GRK3: variants seen among roughly 807,000 people sequenced by gnomAD.
The protein encoded by GRK3 is adrenergic, beta, receptor kinase 2.
GRK3 carries 54 observed loss-of-function variants against 95.7 expected under a neutral mutation model. That is an observed-to-expected ratio of 0.56 (90% CI 0.45 to 0.71). GRK3 has a LOEUF of 0.71. GRK3 is among the 30% of genes least tolerant of loss of function. The pLI, the probability that GRK3 is intolerant of heterozygous loss-of-function variation, is 0.00. For missense variants in GRK3, 649 were observed against 851.2 expected (o/e 0.76, Z 2.96); for synonymous variants, 281 against 290.8 (o/e 0.97, Z 0.34).
intron 3 of GRK3, among the ~76,000 whole-genome samples, chr22:25,646,503 A>T (rs2084783276): frequency 1.3e-5 from 2 of 152,222 alleles, no homozygotes; most frequent in African/African-American, 2.4e-5. Context: ...TTACAAAATG[A>T]TGAAAGACAG....
intron 2 of GRK3, among the ~76,000 whole-genome samples, chr22:25,631,664 A>T (rs1019971624): frequency 7.2e-5 from 11 of 152,222 alleles, no homozygotes; most frequent in African/African-American, 2.4e-4. Context: ...CAACGCATAA[A>T]GTGTGCAGCT....
At chr22:25,623,553 T>C (rs1226973393) in intron 2 of GRK3, among the ~76,000 whole-genome samples, 1 of 152,216 alleles carries the variant, frequency 6.6e-6, no homozygotes, top group East Asian at 1.9e-4. Context: ...GTGTTGCCCT[T>C]GCCTCTACCA....
At chr22:25,598,318 A>G (rs2084386156) in intron 1 of GRK3, among the ~76,000 whole-genome samples, 1 of 152,134 alleles carries the variant, frequency 6.6e-6, no homozygotes, top group South Asian at 2.1e-4. Context: ...CATAAGAAGA[A>G]GGCAAGAAAA....
chr22:25,587,137 T>A (rs1453942087), intron 1 of GRK3, among the ~76,000 whole-genome samples: 1 of 152,138 alleles, frequency 6.6e-6, no homozygotes, highest in Non-Finnish European at 1.5e-5. Context: ...GTGATCCCCC[T>A]GCCTCAGCCT....
At chr22:25,708,025 C>T (rs999450471) in intron 15 of GRK3, among the ~76,000 whole-genome samples, 4 of 152,060 alleles carry the variant, frequency 2.6e-5, no homozygotes, top group Non-Finnish European at 4.4e-5. Flanking sequence ...ATCACAAGGT[C>T]AGGAGTTTGC....
chr22:25,675,148 C>A (rs1269885130), intron 8 of GRK3, among the ~76,000 whole-genome samples: 1 of 152,074 alleles, frequency 6.6e-6, no homozygotes. Flanking sequence ...CGTTCAGCCT[C>A]CCCATCAGAT....
intron 2 of GRK3, among the ~76,000 whole-genome samples, chr22:25,624,919 C>CT (rs552338056): frequency 0.049 from 7,024 of 142,164 alleles, 165 homozygotes; most frequent in East Asian, 0.055. Flanking sequence ...TGATGAATCT[C>CT]TTTTTTTTTT....
chr22:25,670,606 ACTCCCTTCCTCCCTTC>A (rs775598812), intron 6 of GRK3, among the ~76,000 whole-genome samples: 1 of 151,482 alleles, frequency 6.6e-6, no homozygotes, highest in African/African-American at 2.4e-5. Context: ...ATTACCTATA[ACTCCCTTCCTCCCTTC>A]CTCCCTTCCT....
intron 13 of GRK3, among the ~76,000 whole-genome samples, chr22:25,699,393 T>C (rs2085238155): frequency 2.0e-5 from 3 of 152,130 alleles, no homozygotes. Context: ...GGGGCGCCTG[T>C]CCTCAACCCT....
chr22:25,593,962 G>C (rs755092875), intron 1 of GRK3, among the ~76,000 whole-genome samples: 1 of 152,180 alleles, frequency 6.6e-6, no homozygotes, highest in Non-Finnish European at 1.5e-5. Context: ...ACTGGTCTGT[G>C]TGTCTGTTTC....
chr22:25,591,779 A>C (rs1932501224), intron 1 of GRK3, among the ~76,000 whole-genome samples: 1 of 151,326 alleles, frequency 6.6e-6, no homozygotes, highest in South Asian at 2.1e-4. Context: ...TCTTTAAATC[A>C]GCAGTTATTC....
chr22:25,572,773 C>T (rs375896188), intron 1 of GRK3, among the ~76,000 whole-genome samples: 13 of 152,080 alleles, frequency 8.5e-5, no homozygotes, highest in African/African-American at 2.7e-4. Context: ...AAAAATGAAC[C>T]AAAAATCATG....
intron 8 of GRK3, among the ~76,000 whole-genome samples, chr22:25,677,255 T>A (rs968716061): frequency 6.6e-6 from 1 of 151,308 alleles, no homozygotes; most frequent in African/African-American, 2.4e-5. Context: ...GTCCCAGCTA[T>A]GCTCCAGCTA....
intron 3 of GRK3, among the ~76,000 whole-genome samples, chr22:25,656,108 C>G (rs1472792298): frequency 2.6e-5 from 4 of 152,112 alleles, no homozygotes; most frequent in Non-Finnish European, 5.9e-5. Flanking sequence ...TGTGTGTATA[C>G]ACAACACACA....
At chr22:25,632,053 A>G (rs1569171677) in intron 2 of GRK3, among the ~76,000 whole-genome samples, 1 of 152,178 alleles carries the variant, frequency 6.6e-6, no homozygotes, top group Non-Finnish European at 1.5e-5. Flanking sequence ...AAGAGCATAC[A>G]TTTTTATTTC....
intron 13 of GRK3, among the ~76,000 whole-genome samples, chr22:25,696,190 G>T (rs1038077950): frequency 1.3e-5 from 2 of 151,844 alleles, no homozygotes; most frequent in African/African-American, 4.8e-5. Context: ...ATGTTGCCCA[G>T]GCTGGTCTCG....
At chr22:25,641,813 G>A (rs1443309456) in intron 2 of GRK3, among the ~76,000 whole-genome samples, 1 of 152,288 alleles carries the variant, frequency 6.6e-6, no homozygotes, top group Admixed American at 6.5e-5. Flanking sequence ...AAGTGAGCTT[G>A]GGGGGAGCAC....
At chr22:25,669,645 T>C (rs963259322) in intron 6 of GRK3, among the ~76,000 whole-genome samples, 2 of 152,210 alleles carry the variant, frequency 1.3e-5, no homozygotes, top group African/African-American at 4.8e-5. Context: ...TAACCAGGCA[T>C]TGATTGGGAA....
rs1371706054 is a variant in GRK3 at position 25,728,792 on chromosome 22, A to G, written c.*6342A>G. 6.6e-6 allele frequency: 1 copy of G among 152,190 alleles called. No homozygotes were observed. The highest frequency in any genetic ancestry group is 1.9e-4 in the East Asian group (1 of 5,204). 9.4% of individuals were successfully genotyped at this position (152,190 alleles called of 1,614,324 possible). ...CCTCATACATGACTGAAACTTTGTG[A>G]GAGGTCTTATATTTGAATGGACCCT... On this transcript the variant is annotated 3_prime_UTR_variant, in exon 21 of 21. Transcript: ENST00000324198.
Sources: gnomAD v4.1 joint callset for allele counts (sites outside exome capture counted in the v4.1 genomes callset) on GRCh38, gnomAD v4.1.1 for gene constraint, MANE v1.5 for transcripts, NCBI Gene and HGNC (gene_info 2026-07-23, HGNC 2026-07-21) for gene names.